Variants in SLC39A8 observed in about 807,000 individuals in gnomAD.
SLC39A8 encodes the protein solute carrier family 39 member 8, also known as metal cation symporter ZIP8.
Under a neutral mutation model 40.4 loss-of-function variants are expected in SLC39A8, and 15 were observed. The ratio of observed to expected loss-of-function variants is 0.37; its 90% CI spans 0.25 to 0.57. The LOEUF (loss-of-function observed/expected upper bound fraction) is 0.57, where lower values mean the gene tolerates loss of function less well. Ranked by LOEUF, SLC39A8 falls within the 20% of genes least tolerant of loss-of-function variation. SLC39A8 has a pLI of 0.75. For missense variants in SLC39A8, 472 were observed against 558.8 expected (o/e 0.84, Z 1.57); for synonymous variants, 223 against 221.6 (o/e 1.01, Z -0.06).
intron 2 of SLC39A8, among the ~76,000 whole-genome samples, chr4:102,341,645 G>T (rs899437600): frequency 1.3e-5 from 2 of 152,194 alleles, no homozygotes; most frequent in Non-Finnish European, 2.9e-5. Flanking sequence ...GTAGCTATAA[G>T]AAGCAAAACT....
chr4:102,326,185 G>A (rs1735190844), intron 2 of SLC39A8, among the ~76,000 whole-genome samples: 1 of 152,174 alleles, frequency 6.6e-6, no homozygotes, highest in Non-Finnish European at 1.5e-5. Flanking sequence ...TACACCAAGG[G>A]TTTCCCACTC....
At chr4:102,295,890 A>G (rs1412773696) in intron 6 of SLC39A8, among the ~76,000 whole-genome samples, 1 of 152,130 alleles carries the variant, frequency 6.6e-6, no homozygotes, top group Non-Finnish European at 1.5e-5. Flanking sequence ...ACAAGCTTTT[A>G]TCTGGGGAAA....
chr4:102,322,744 GGCT>G (rs961673978), intron 2 of SLC39A8, among the ~76,000 whole-genome samples: 4 of 152,156 alleles, frequency 2.6e-5, no homozygotes, highest in African/African-American at 9.7e-5. Flanking sequence ...TTCTGTGGGA[GGCT>G]GAGTAGCTCA....
At chr4:102,341,399 A>AG (rs1735934039) in intron 2 of SLC39A8, among the ~76,000 whole-genome samples, 1 of 152,230 alleles carries the variant, frequency 6.6e-6, no homozygotes, top group South Asian at 2.1e-4. Flanking sequence ...CATTTGAAGA[A>AG]TGAGAAAGGA....
chr4:102,331,304 C>T (rs2149051426), intron 2 of SLC39A8, among the ~76,000 whole-genome samples: 1 of 152,328 alleles, frequency 6.6e-6, no homozygotes, highest in African/African-American at 2.4e-5. Context: ...TCTCCTTAGG[C>T]TGATAAGCAA....
intron 6 of SLC39A8, among the ~76,000 whole-genome samples, chr4:102,282,293 A>ACATCTTCT (rs1215146702): frequency 6.6e-6 from 1 of 152,244 alleles, no homozygotes; most frequent in Non-Finnish European, 1.5e-5. Context: ...TATTAAAAGT[A>ACATCTTCT]CATCTTCTCT....
At chr4:102,267,315 C>T (rs577956124) in intron 8 of SLC39A8, among the ~76,000 whole-genome samples, 175 bp downstream of exon 8, 14 of 152,324 alleles carry the variant, frequency 9.2e-5, no homozygotes, top group South Asian at 4.1e-4. Flanking sequence ...TTTCAAATTA[C>T]TATTAGTGTA....
chr4:102,253,593 AAAAATAATATATT>A (rs1731640782), intron 11 of SLC39A8, among the ~76,000 whole-genome samples: 1 of 152,214 alleles, frequency 6.6e-6, no homozygotes, highest in Non-Finnish European at 1.5e-5. Flanking sequence ...GGAAAGCATT[AAAAATAATATATT>A]TTGAATAATT....
chr4:102,322,826 G>A (rs1446592368), intron 2 of SLC39A8, among the ~76,000 whole-genome samples: 1 of 152,188 alleles, frequency 6.6e-6, no homozygotes, highest in African/African-American at 2.4e-5. Flanking sequence ...GGGAGACACA[G>A]ATTTTTGTAA....
chr4:102,296,775 TG>T (rs1488280036), intron 6 of SLC39A8, among the ~76,000 whole-genome samples: 1 of 152,048 alleles, frequency 6.6e-6, no homozygotes, highest in East Asian at 1.9e-4. Context: ...GCTAAAATGG[TG>T]ACAGAGCAAG....
intron 11 of SLC39A8, among the ~76,000 whole-genome samples, chr4:102,253,660 C>T (rs1731643365): frequency 6.6e-6 from 1 of 151,748 alleles, no homozygotes; most frequent in Non-Finnish European, 1.5e-5. Flanking sequence ...TTCTAATTTA[C>T]CGGTAAGTAC....
At chr4:102,296,291 A>G (rs1199591188) in intron 6 of SLC39A8, among the ~76,000 whole-genome samples, 1 of 151,894 alleles carries the variant, frequency 6.6e-6, no homozygotes, top group Admixed American at 6.6e-5. Flanking sequence ...ACATATACAA[A>G]TAGATTCAAA....
intron 6 of SLC39A8, among the ~76,000 whole-genome samples, chr4:102,285,532 A>C (rs1733132430): frequency 6.6e-6 from 1 of 152,074 alleles, no homozygotes; most frequent in Non-Finnish European, 1.5e-5. Flanking sequence ...GTGAAGTATT[A>C]ATAGTTATAA....
At chr4:102,253,766 C>A (rs1731647218) in intron 11 of SLC39A8, among the ~76,000 whole-genome samples, 1 of 151,948 alleles carries the variant, frequency 6.6e-6, no homozygotes, top group Non-Finnish European at 1.5e-5. Context: ...TACTAATGTA[C>A]TAGAAAATAT....
intron 6 of SLC39A8, among the ~76,000 whole-genome samples, chr4:102,297,654 C>T (rs1733737460): frequency 6.6e-6 from 1 of 152,016 alleles, no homozygotes; most frequent in Non-Finnish European, 1.5e-5. Context: ...TGGTGGCTCA[C>T]ACCTGTAATC....
chr4:102,295,698 A>G (rs563716097), intron 6 of SLC39A8, among the ~76,000 whole-genome samples: 1 of 151,974 alleles, frequency 6.6e-6, no homozygotes, highest in South Asian at 2.1e-4. Flanking sequence ...GCCTGGCCCA[A>G]TGTTTGTTTT....
At chr4:102,326,001 A>G (rs2149048035) in intron 2 of SLC39A8, among the ~76,000 whole-genome samples, 1 of 152,002 alleles carries the variant, frequency 6.6e-6, no homozygotes, top group East Asian at 1.9e-4. Flanking sequence ...GTTCTTTTAG[A>G]CTCCTAAAAG....
intron 4 of SLC39A8, among the ~76,000 whole-genome samples, 158 bp from the exon 5 acceptor site, chr4:102,305,269 T>G (rs1734119502): frequency 6.6e-6 from 1 of 151,834 alleles, no homozygotes; most frequent in Non-Finnish European, 1.5e-5. Context: ...AACAAAAACT[T>G]TGAAATTTGA....
intron 2 of SLC39A8, among the ~76,000 whole-genome samples, chr4:102,317,955 T>C (rs1734736505): frequency 1.3e-5 from 2 of 152,156 alleles, no homozygotes; most frequent in African/African-American, 4.8e-5. Context: ...TACAAAATAA[T>C]AGAAACTATA....
Sources: allele counts gnomAD v4.1 joint callset (sites outside exome capture counted in the v4.1 genomes callset), GRCh38; gene constraint gnomAD v4.1.1; transcripts MANE v1.5; gene names NCBI Gene and HGNC (gene_info 2026-07-23, HGNC 2026-07-21).